The following CCDC141 variants were observed in gnomAD, a reference collection of about 807,000 sequenced individuals.
The protein encoded by CCDC141 is coiled-coil domain-containing protein 141.
CCDC141 carries 168 observed loss-of-function variants against 181.0 expected under a neutral mutation model. That is an observed-to-expected ratio of 0.93 (90% CI 0.82 to 1.05). The LOEUF is 1.05. Ranked by LOEUF, CCDC141 falls within the 50% of genes least tolerant of loss-of-function variation. CCDC141 has a pLI of 0.00. For missense variants in CCDC141, 1,902 were observed against 1,788.5 expected (o/e 1.06, Z -1.14); for synonymous variants, 666 against 642.3 (o/e 1.04, Z -0.56).
At chr2:179,044,869 G>C (rs1288696966) in intron 2 of CCDC141, among the ~76,000 whole-genome samples, 1 of 152,160 alleles carries the variant, frequency 6.6e-6, no homozygotes, top group Non-Finnish European at 1.5e-5. Context: ...GGAAGACCTT[G>C]AGTTATTAGC....
chr2:179,017,914 T>C (rs1195843450), intron 2 of CCDC141, among the ~76,000 whole-genome samples: 1 of 152,122 alleles, frequency 6.6e-6, no homozygotes, highest in South Asian at 2.1e-4. Context: ...CAGCTTGATT[T>C]AAGTTTTCCT....
chr2:178,983,956 T>C (rs1338752733), intron 2 of CCDC141, among the ~76,000 whole-genome samples: 1 of 149,530 alleles, frequency 6.7e-6, no homozygotes, highest in Non-Finnish European at 1.5e-5. Context: ...ATTCAGGAAA[T>C]ACAGAGAATG....
chr2:179,017,080 G>A lies in CCDC141; in HGVS notation c.225+30204C>T, dbSNP rs546769163. Among the ~76,000 whole-genome samples the A allele has an allele frequency of 5.9e-5, 9 of 151,906 alleles. No homozygotes were observed. The East Asian group carries it at 1.4e-3, about 23-fold the overall frequency. Reference sequence around the variant, plus strand: ...GGCAGATTTTATTTTCATACAGCACGAATATTTGTAAGTTATGATTATCAA... The same window carrying A: ...GGCAGATTTTATTTTCATACAGCACAAATATTTGTAAGTTATGATTATCAA... On this transcript the variant is annotated intron_variant, in intron 2 of 23. Transcript: ENST00000443758.
At position 178,845,784 on chromosome 2, in the gene CCDC141, T is replaced by C. The variant is rs566593280; in HGVS notation, c.3358-42A>G. 39 of 1,228,742 alleles carry C rather than the reference T, an allele frequency of 3.2e-5. No individual in the cohort carries two copies. In the East Asian group the frequency reaches 7.2e-4, roughly 23 times the overall value. The allele number at this position is 1,228,742 out of a possible 1,614,324, so 76.1% of individuals were successfully genotyped here. On this transcript the variant is annotated intron_variant, in intron 21 of 23. Coordinates refer to ENST00000443758, the MANE Select transcript of CCDC141 (RefSeq NM_173648.4). ...TTAGTGAGAGCATGAGCCAGGAAAGTTGGAGAACAGTGCCATACACTAACT... is the reference window on the plus strand; with the variant it reads ...TTAGTGAGAGCATGAGCCAGGAAAGCTGGAGAACAGTGCCATACACTAACT...
At chr2:178,834,727 T>A (rs1436373132) in intron 23 of CCDC141, among the ~76,000 whole-genome samples, 3 of 151,734 alleles carry the variant, frequency 2.0e-5, no homozygotes, top group African/African-American at 7.3e-5. Flanking sequence ...CTTACCACCA[T>A]GTGCAGGCTA....
chr2:178,867,944 G>T (rs915580570), intron 16 of CCDC141, 82 bp downstream of exon 16: 1 of 1,096,732 alleles, frequency 9.1e-7, no homozygotes, highest in East Asian at 2.4e-5. Flanking sequence ...CATATACTAA[G>T]CAATCTGCCT....
intron 11 of CCDC141, among the ~76,000 whole-genome samples, chr2:178,882,642 A>T (rs993445202): frequency 6.6e-5 from 10 of 152,122 alleles, no homozygotes; most frequent in Non-Finnish European, 1.2e-4. Flanking sequence ...GATAGAAACT[A>T]AGGTGAGATG....
chr2:178,886,490 G>T (rs1303368020), intron 10 of CCDC141, among the ~76,000 whole-genome samples: 1 of 152,076 alleles, frequency 6.6e-6, no homozygotes, highest in African/African-American at 2.4e-5. Context: ...TTGAGAAACT[G>T]CCCAGGCAAG....
chr2:178,910,842 G>A (rs547206066), intron 7 of CCDC141, among the ~76,000 whole-genome samples: 1 of 152,294 alleles, frequency 6.6e-6, no homozygotes, highest in East Asian at 1.9e-4. Flanking sequence ...AGCACCTATG[G>A]AAGCTTTTGT....
intron 4 of CCDC141, among the ~76,000 whole-genome samples, chr2:178,972,804 A>C (rs1690955939): frequency 6.6e-6 from 1 of 152,168 alleles, no homozygotes; most frequent in Admixed American, 6.5e-5. Flanking sequence ...GAAACATTCC[A>C]GGGGGCAGAA....
At position 178,837,417 on chromosome 2, in the gene CCDC141, G is replaced by C; in HGVS notation, c.3802C>G (p.Pro1268Ala). ...PGDAQESVLP[P>A]PVAFADACND... is the part of the protein sequence containing the mutation. ...CATGCATCCGCAAAGGCAACAGGTG[G>C]TGGAAGAACAGATTCCTGGGCATCC... The change falls in exon 23 of 24, where the codon CCA becomes GCA. Residue 1268 changes from proline to alanine, a missense_variant. By Grantham distance (27) the Pro-to-Ala change is conservative. Coordinates refer to ENST00000443758, the MANE Select transcript of CCDC141 (RefSeq NM_173648.4). The C allele has an allele frequency of 1.2e-6, 2 of 1,614,100 alleles. No individual in the cohort carries two copies. The highest frequency in any genetic ancestry group is 1.7e-6 in the Non-Finnish European group (2 of 1,179,980).
At chr2:179,020,148 T>C (rs2042653809) in intron 2 of CCDC141, among the ~76,000 whole-genome samples, 1 of 152,172 alleles carries the variant, frequency 6.6e-6, no homozygotes, top group South Asian at 2.1e-4. Flanking sequence ...ATCCAAAAAG[T>C]TCCATAGAAC....
chr2:179,044,492 T>C (rs1559068838), intron 2 of CCDC141, among the ~76,000 whole-genome samples: 2 of 152,224 alleles, frequency 1.3e-5, no homozygotes, highest in East Asian at 1.9e-4. Flanking sequence ...AGGAGCTGAA[T>C]TGCTGCACCT....
chr2:178,964,919 T>C (rs1462025699), intron 4 of CCDC141, among the ~76,000 whole-genome samples: 3 of 152,206 alleles, frequency 2.0e-5, no homozygotes, highest in Non-Finnish European at 4.4e-5. Flanking sequence ...TCATTAATTG[T>C]TTTGATTAAT....
At chr2:179,010,369 C>T (rs200719982) in intron 2 of CCDC141, among the ~76,000 whole-genome samples, 1 of 152,042 alleles carries the variant, frequency 6.6e-6, no homozygotes, top group East Asian at 1.9e-4. Context: ...AAAGTTAAGA[C>T]AAAGGAAAGA....
At chr2:178,965,612 G>A (rs147728449) in intron 4 of CCDC141, among the ~76,000 whole-genome samples, 21 of 152,280 alleles carry the variant, frequency 1.4e-4, no homozygotes, top group African/African-American at 3.6e-4. Flanking sequence ...CATGGTCTTC[G>A]CAACCCACAA....
At chr2:179,015,378 T>TCTCTC (rs1423969975) in intron 2 of CCDC141, among the ~76,000 whole-genome samples, 5 of 140,786 alleles carry the variant, frequency 3.6e-5, no homozygotes, top group Admixed American at 7.6e-5. Flanking sequence ...GTATCATATA[T>TCTCTC]ATCTCATATA....
intron 7 of CCDC141, among the ~76,000 whole-genome samples, chr2:178,918,198 C>T (rs1688534616): frequency 6.6e-6 from 1 of 151,788 alleles, no homozygotes; most frequent in African/African-American, 2.4e-5. Flanking sequence ...TCACTTGAGC[C>T]CAGGAGTTTG....
Position 178,888,601 on chromosome 2 carries a change from G to C in CCDC141, c.1333C>G (p.Gln445Glu), listed in dbSNP as rs1686999800. The C allele has an allele frequency of 1.3e-6, 2 of 1,550,708 alleles. No homozygotes were observed. The highest frequency in any genetic ancestry group is 2.7e-5 in the African/African-American group (2 of 73,138). ...GCATATTCCTTGTGCGCTGAACACT[G>C]TTCGGTCAGATGATCCACTCGTCTC... ...IKRRVDHLTE[Q>E]CSAHKEYALK... The change falls in exon 9 of 24, where the codon CAG becomes GAG. Residue 445 changes from glutamine (Q) to glutamate (E), a missense_variant. Transcript: ENST00000443758.
Sources: allele counts gnomAD v4.1 joint callset (sites outside exome capture counted in the v4.1 genomes callset), GRCh38; gene constraint gnomAD v4.1.1; transcripts MANE v1.5; gene names NCBI Gene and HGNC (gene_info 2026-07-23, HGNC 2026-07-21).